ME3: variants seen among roughly 807,000 people sequenced by gnomAD.
The protein encoded by ME3 is NADP-dependent malic enzyme, mitochondrial.
In ME3, 48 loss-of-function variants were observed where a neutral mutation model predicts 68.9. The ratio of observed to expected loss-of-function variants is 0.70; its 90% CI spans 0.55 to 0.89. ME3 has a LOEUF of 0.89. Ranked by LOEUF, ME3 falls within the 40% of genes least tolerant of loss-of-function variation. The pLI, the probability that ME3 is intolerant of heterozygous loss-of-function variation, is 0.00. For missense variants in ME3, 675 were observed against 797.4 expected (o/e 0.85, Z 1.85); for synonymous variants, 320 against 318.8 (o/e 1.00, Z -0.04).
intron 2 of ME3, among the ~76,000 whole-genome samples, chr11:86,663,987 G>A (rs1029096116): frequency 6.6e-6 from 1 of 152,214 alleles, no homozygotes; most frequent in South Asian, 2.1e-4. Flanking sequence ...TTTAGAACAG[G>A]CAGCAGGCTC....
chr11:86,596,161 C>T (rs1959417945), intron 2 of ME3, among the ~76,000 whole-genome samples: 1 of 152,178 alleles, frequency 6.6e-6, no homozygotes, highest in African/African-American at 2.4e-5. Context: ...TATGAAATTA[C>T]ATATTTGAAG....
chr11:86,607,439 G>A (rs1173493597), intron 2 of ME3, among the ~76,000 whole-genome samples: 1 of 141,686 alleles, frequency 7.1e-6, no homozygotes, highest in Non-Finnish European at 1.5e-5. Context: ...CATACAATGA[G>A]TTGAGAGGCA....
intron 2 of ME3, among the ~76,000 whole-genome samples, chr11:86,573,441 T>TG (rs1554985565): frequency 3.3e-5 from 5 of 151,646 alleles, no homozygotes; most frequent in Middle Eastern, 3.4e-3. Context: ...TTTTTTTTTT[T>TG]GGTATATATG....
chr11:86,508,474 G>A (rs1953249245), intron 5 of ME3, among the ~76,000 whole-genome samples: 1 of 152,190 alleles, frequency 6.6e-6, no homozygotes, highest in Admixed American at 6.5e-5. Flanking sequence ...CGAGAAGAGG[G>A]TCTATGCCTG....
chr11:86,595,931 G>A lies in ME3; in HGVS notation c.184-36108C>T, dbSNP rs545238397. On this transcript the variant is annotated intron_variant, in intron 2 of 14. Coordinates refer to ENST00000543262, the Ensembl canonical transcript of ME3. The stretch of plus-strand genomic sequence containing the variant: ...GCCCCAGACACTCTAATATGGTCCA[G>A]GTGTTTCAGAATTTACCTTCTGGGT... Among the ~76,000 whole-genome samples, 10 of 152,324 alleles carry A rather than the reference G, an allele frequency of 6.6e-5. No homozygotes were observed. The South Asian group carries it at 2.1e-3, about 32-fold the overall frequency.
chr11:86,524,348 T>G (rs960260057), intron 4 of ME3, among the ~76,000 whole-genome samples: 2 of 152,220 alleles, frequency 1.3e-5, no homozygotes, highest in Non-Finnish European at 2.9e-5. Flanking sequence ...AACTACAAGA[T>G]AAGGAGAGAA....
At chr11:86,492,569 C>T (rs1480209152) in intron 6 of ME3, among the ~76,000 whole-genome samples, 3 of 152,218 alleles carry the variant, frequency 2.0e-5, no homozygotes, top group Non-Finnish European at 4.4e-5. Flanking sequence ...GTGACTAAAT[C>T]TTTCCCCTCT....
chr11:86,590,235 G>A (rs148451956), intron 2 of ME3, among the ~76,000 whole-genome samples: 3 of 152,256 alleles, frequency 2.0e-5, no homozygotes, highest in African/African-American at 2.4e-5. Flanking sequence ...ATCTACTTAC[G>A]TTGCACCTAT....
At chr11:86,526,034 T>C (rs1446129753) in intron 4 of ME3, among the ~76,000 whole-genome samples, 2 of 152,088 alleles carry the variant, frequency 1.3e-5, no homozygotes, top group Non-Finnish European at 2.9e-5. Flanking sequence ...GGACAGTGGG[T>C]GCAGCGCACC....
intron 7 of ME3, among the ~76,000 whole-genome samples, chr11:86,477,400 C>G (rs1951141578): frequency 6.6e-6 from 1 of 152,068 alleles, no homozygotes; most frequent in Non-Finnish European, 1.5e-5. Context: ...GAGAATTAGA[C>G]AAGTTAATAT....
At chr11:86,614,659 C>CAGGT (rs1942828907) in intron 2 of ME3, among the ~76,000 whole-genome samples, 1 of 152,170 alleles carries the variant, frequency 6.6e-6, no homozygotes, top group Non-Finnish European at 1.5e-5. Context: ...AGGCACCAAC[C>CAGGT]AGGTGCCTAT....
intron 5 of ME3, among the ~76,000 whole-genome samples, chr11:86,499,820 T>C (rs553539773): frequency 2.0e-5 from 3 of 152,360 alleles, no homozygotes; most frequent in African/African-American, 7.2e-5. Flanking sequence ...GATTGTTATC[T>C]CTGCTTCACC....
At chr11:86,656,914 T>C (rs1945926708) in intron 2 of ME3, among the ~76,000 whole-genome samples, 1 of 150,010 alleles carries the variant, frequency 6.7e-6, no homozygotes, top group Non-Finnish European at 1.5e-5. Flanking sequence ...AAAACTACAA[T>C]GAGGTATCAT....
chr11:86,511,910 C>T (rs1953556269), intron 4 of ME3, among the ~76,000 whole-genome samples: 3 of 152,034 alleles, frequency 2.0e-5, no homozygotes, highest in African/African-American at 2.4e-5. Flanking sequence ...TCAAATGGTC[C>T]TGTGGCCCCT....
chr11:86,469,886 GA>G (rs1470143911), intron 7 of ME3, among the ~76,000 whole-genome samples: 1 of 151,998 alleles, frequency 6.6e-6, no homozygotes, highest in East Asian at 1.9e-4. Flanking sequence ...CAGGCAAGGG[GA>G]AGCCAGCAAA....
At position 86,472,260 on chromosome 11, in the gene ME3, T is replaced by C. The variant is rs374333219; in HGVS notation, c.810-7060A>G. 7.9e-5 allele frequency among the ~76,000 whole-genome samples: 12 copies of C among 152,072 alleles called. No homozygotes were observed. In the South Asian group the frequency reaches 8.3e-4, roughly 11 times the overall value. On this transcript the variant is annotated intron_variant, in intron 7 of 14. Transcript: ENST00000543262. ...GGACATGGGGAGAAATGAGCCTTGG[T>C]GGAATGCAGGAGCCACCCCTTTCAT...
chr11:86,488,688 G>C (rs1191782674), intron 6 of ME3, among the ~76,000 whole-genome samples: 1 of 152,174 alleles, frequency 6.6e-6, no homozygotes, highest in Non-Finnish European at 1.5e-5. Context: ...CACAGAGTCA[G>C]TGGACTCATT....
At chr11:86,476,558 G>T (rs1290655196) in intron 7 of ME3, among the ~76,000 whole-genome samples, 1 of 152,204 alleles carries the variant, frequency 6.6e-6, no homozygotes, top group Non-Finnish European at 1.5e-5. Context: ...GGGGGTGACT[G>T]ACTCTGAGTG....
chr11:86,651,353 C>A lies in ME3; in HGVS notation c.183+20409G>T, dbSNP rs527634455. Reference sequence around the variant, plus strand: ...ACTGGGAGGCACCCCCAAGTAGGGGCAGACTGACACCTCACATGGCCGGGT... The same window carrying A: ...ACTGGGAGGCACCCCCAAGTAGGGGAAGACTGACACCTCACATGGCCGGGT... On this transcript the variant is annotated intron_variant, in intron 2 of 14. Transcript: ENST00000543262. Among the ~76,000 whole-genome samples the A allele has an allele frequency of 2.7e-3, 417 of 152,354 alleles. 1 individual carries two copies. Among genetic ancestry groups the A allele is most frequent in the Admixed American group, 6.6e-3 (101 of 15,308 alleles).
Sources: gnomAD v4.1 joint callset for allele counts (sites outside exome capture counted in the v4.1 genomes callset) on GRCh38, gnomAD v4.1.1 for gene constraint, MANE v1.5 for transcripts, NCBI Gene and HGNC (gene_info 2026-07-23, HGNC 2026-07-21) for gene names.